Variants in HMCN1 observed in about 807,000 individuals in gnomAD.
The protein encoded by HMCN1 is hemicentin-1.
In HMCN1, 321 loss-of-function variants were observed where a neutral mutation model predicts 625.9. That is an observed-to-expected ratio of 0.51 (90% CI 0.47 to 0.56). The LOEUF is 0.56. Ranked by LOEUF, HMCN1 falls within the 20% of genes least tolerant of loss-of-function variation. HMCN1 has a pLI of 0.00. For synonymous variants in HMCN1, 2,425 were observed against 2,417.6 expected (o/e 1.00, Z -0.09); for missense variants, 6,588 against 6,887.3 (o/e 0.96, Z 1.54).
chr1:186,117,597 G>A lies in HMCN1; in HGVS notation c.11822G>A (p.Gly3941Glu), dbSNP rs759081634. ...AATGGTATAAGACTGCTTCCCAGGG[G>A]AGATGGCTATAGAATTCTGTCCTCA... ...TKNGIRLLPR[G>E]DGYRILSSGA... Residue 3941 changes from glycine to glutamate, a missense_variant, in exon 77 of 107, where the codon GGA becomes GAA. Gly to Glu is a moderately conservative substitution (Grantham distance 98, BLOSUM62 -2). Coordinates refer to ENST00000271588, the MANE Select transcript of HMCN1 (RefSeq NM_031935.3). 3.1e-6 allele frequency: 5 copies of A among 1,613,806 alleles called. No homozygotes were observed. In the East Asian group the frequency reaches 8.9e-5, roughly 29 times the overall value.
intron 6 of HMCN1, 129 bp downstream of exon 6, chr1:185,911,909 G>T: frequency 1.4e-6 from 1 of 721,434 alleles, no homozygotes; most frequent in East Asian, 2.7e-5. Flanking sequence ...AAAAAGCAAC[G>T]TACATAGGTG....
At chr1:185,970,835 T>C (rs546598929) in intron 15 of HMCN1, among the ~76,000 whole-genome samples, 1 of 152,110 alleles carries the variant, frequency 6.6e-6, no homozygotes, top group South Asian at 2.1e-4. Context: ...TTTTTTTGTA[T>C]TTTTAGTAGA....
chr1:185,949,829 T>C (rs935517701), intron 11 of HMCN1, among the ~76,000 whole-genome samples: 4 of 151,782 alleles, frequency 2.6e-5, no homozygotes, highest in African/African-American at 9.7e-5. Flanking sequence ...GTGGGGCAAA[T>C]CCTGGAGCTT....
At chr1:185,811,010 A>G (rs1257153344) in intron 1 of HMCN1, among the ~76,000 whole-genome samples, 1 of 152,042 alleles carries the variant, frequency 6.6e-6, no homozygotes, top group East Asian at 1.9e-4. Flanking sequence ...CACACCCCCA[A>G]TCTCTCAAAC....
In HMCN1 at chr1:185,752,240, A is replaced by T. The variant is rs371252707; in HGVS notation, c.268+17193A>T. ...TTTTGACAGATGGCAAGCTTTCTTG[A>T]CAGTTTTTTTGGGTTAGTGGGAGGA... On this transcript the variant is annotated intron_variant, in intron 1 of 106. Transcript: ENST00000271588. 9.2e-5 allele frequency among the ~76,000 whole-genome samples: 14 copies of T among 152,086 alleles called. 1 individual carries two copies. The South Asian group carries it at 2.3e-3, about 25-fold the overall frequency.
intron 22 of HMCN1, among the ~76,000 whole-genome samples, chr1:185,991,704 CT>C (rs551341567): frequency 2.0e-5 from 3 of 147,462 alleles, no homozygotes; most frequent in African/African-American, 7.7e-5. Flanking sequence ...TTTGTTTATT[CT>C]TTTTTTTAAA....
chr1:185,952,436 A>AG (rs1649265208), intron 11 of HMCN1, among the ~76,000 whole-genome samples: 1 of 151,572 alleles, frequency 6.6e-6, no homozygotes, highest in Non-Finnish European at 1.5e-5. Context: ...GTTGGTACTG[A>AG]GGGGACAGGT....
intron 38 of HMCN1, 28 bp from the exon 39 acceptor site, chr1:186,039,700 G>A (rs751019282): frequency 1.1e-5 from 18 of 1,608,890 alleles, no homozygotes; most frequent in Middle Eastern, 1.7e-4. Flanking sequence ...TGATATTAAC[G>A]TGTCTTACTT....
intron 1 of HMCN1, among the ~76,000 whole-genome samples, chr1:185,777,538 G>A (rs1023122475): frequency 6.6e-6 from 1 of 151,356 alleles, no homozygotes; most frequent in African/African-American, 2.4e-5. Context: ...TACCATCTCC[G>A]CCTCCTGGCT....
At position 185,926,998 on chromosome 1, in the gene HMCN1, C is replaced by T. The variant is rs1487505509; in HGVS notation, c.1431-1548C>T. On this transcript the variant is annotated intron_variant, in intron 9 of 106. Coordinates refer to ENST00000271588, the MANE Select transcript of HMCN1 (RefSeq NM_031935.3). Reference sequence around the variant, plus strand: ...TAACATTTCATCATCAAGAAAGGAACAAGTATAACTGTAAAGAACATTCTT... The same window carrying T: ...TAACATTTCATCATCAAGAAAGGAATAAGTATAACTGTAAAGAACATTCTT... Among the ~76,000 whole-genome samples the T allele has an allele frequency of 3.9e-5, 6 of 152,142 alleles. No homozygotes were observed. The East Asian group carries it at 1.2e-3, about 29-fold the overall frequency.
At chr1:185,964,420 A>G (rs1650249801) in intron 13 of HMCN1, among the ~76,000 whole-genome samples, 1 of 152,166 alleles carries the variant, frequency 6.6e-6, no homozygotes, top group Non-Finnish European at 1.5e-5. Flanking sequence ...ACTCAGATCC[A>G]GGTTATAAAT....
intron 1 of HMCN1, among the ~76,000 whole-genome samples, chr1:185,839,263 G>C (rs1006236636): frequency 2.0e-5 from 3 of 151,986 alleles, no homozygotes; most frequent in African/African-American, 7.2e-5. Context: ...AATTGCCTAA[G>C]AGCAATTAAA....
intron 100 of HMCN1, among the ~76,000 whole-genome samples, chr1:186,170,346 G>T (rs751297013): frequency 3.3e-5 from 5 of 152,176 alleles, no homozygotes; most frequent in African/African-American, 1.2e-4. Flanking sequence ...TACATTGTTG[G>T]TGGGTGTATA....
At chr1:185,962,370 C>A in intron 11 of HMCN1, 148 bp from the exon 12 acceptor site, 1 of 705,182 alleles carries the variant, frequency 1.4e-6, no homozygotes, top group Non-Finnish European at 2.6e-6. Flanking sequence ...CCATTGGTTT[C>A]TTTCCTGCCA....
chr1:186,117,243 C>T (rs940255342), intron 76 of HMCN1, 128 bp downstream of exon 76: 14 of 1,314,764 alleles, frequency 1.1e-5, no homozygotes, highest in Admixed American at 5.5e-5. Context: ...GGTACACATG[C>T]AGGTTCGTTA....
Position 186,145,864 on chromosome 1 carries a change from G to GCCGT in HMCN1, c.14552_14555dup (p.Cys4853SerfsTer33). 1 of 1,613,956 alleles carries GCCGT rather than the reference G, an allele frequency of 6.2e-7. No individual in the cohort carries two copies. The highest frequency in any genetic ancestry group is 8.5e-7 in the Non-Finnish European group (1 of 1,179,996). On this transcript the variant is annotated frameshift_variant, in exon 93 of 107. Coordinates refer to ENST00000271588, the MANE Select transcript of HMCN1 (RefSeq NM_031935.3). LOFTEE classifies it high-confidence loss of function. ...GACCATCCTGTGCCAGTTAAAGGTG[G>GCCGT]CCGTCCCTGTCCCGGAGACACTACT...
intron 83 of HMCN1, 52 bp downstream of exon 83, chr1:186,128,343 A>G: frequency 1.4e-6 from 2 of 1,404,460 alleles, no homozygotes; most frequent in Non-Finnish European, 2.0e-6. Flanking sequence ...GTAGAACTCT[A>G]GACGAAGCTC....
In HMCN1 at chr1:186,190,901, T is replaced by C. The variant is rs1409630296; in HGVS notation, c.*1023T>C. 1.1e-5 allele frequency: 2 copies of C among 181,982 alleles called. No homozygotes were observed. The highest frequency in any genetic ancestry group is 1.2e-5 in the Non-Finnish European group (1 of 85,204). 11.3% of individuals were successfully genotyped at this position (181,982 alleles called of 1,614,324 possible). On this transcript the variant is annotated 3_prime_UTR_variant, in exon 107 of 107. Transcript: ENST00000271588. The stretch of plus-strand genomic sequence containing the variant: ...TATAAAATTATTTTATAAAAAACAA[T>C]GTTACACTAAAATCAGCCTAAATAA...
At chr1:186,007,354 C>A in intron 30 of HMCN1, 72 bp downstream of exon 30, 1 of 1,342,756 alleles carries the variant, frequency 7.4e-7, no homozygotes, top group Non-Finnish European at 1.1e-6. Flanking sequence ...TTACTGGTAA[C>A]TACACTCTTA....
Sources: allele counts gnomAD v4.1 joint callset (sites outside exome capture counted in the v4.1 genomes callset), GRCh38; gene constraint gnomAD v4.1.1; transcripts MANE v1.5; gene names NCBI Gene and HGNC (gene_info 2026-07-23, HGNC 2026-07-21).